The following ITGBL1 variants were observed in gnomAD, a reference collection of about 807,000 sequenced individuals.
The protein encoded by ITGBL1 is integrin subunit beta like 1, also known as integrin beta-like protein 1.
ITGBL1 carries 51 observed loss-of-function variants against 68.5 expected under a neutral mutation model. The observed-to-expected ratio is 0.74, with a 90% CI of 0.59 to 0.94. The LOEUF (loss-of-function observed/expected upper bound fraction) is 0.94. Ranked by LOEUF, ITGBL1 falls within the 40% of genes least tolerant of loss-of-function variation. The pLI is 0.00. For missense variants in ITGBL1, 649 were observed against 647.4 expected (o/e 1.00, Z -0.03); for synonymous variants, 209 against 227.3 (o/e 0.92, Z 0.72).
At chr13:101,702,532 C>T (rs370187118) in intron 8 of ITGBL1, among the ~76,000 whole-genome samples, 11 of 151,868 alleles carry the variant, frequency 7.2e-5, no homozygotes, top group East Asian at 1.9e-4. Flanking sequence ...GTATCCTACA[C>T]ATTTTCATAA....
At chr13:101,587,309 CCTGT>C (rs1264365783) in intron 6 of ITGBL1, among the ~76,000 whole-genome samples, 15 of 152,282 alleles carry the variant, frequency 9.9e-5, no homozygotes, top group African/African-American at 3.6e-4. Flanking sequence ...TTCTTTTAAT[CCTGT>C]CTGTTGTTCA....
At chr13:101,668,866 ACAC>A (rs1412124859) in intron 7 of ITGBL1, among the ~76,000 whole-genome samples, 1 of 152,250 alleles carries the variant, frequency 6.6e-6, no homozygotes, top group East Asian at 1.9e-4. Flanking sequence ...TTACAGGAAA[ACAC>A]AATATATTTG....
intron 10 of ITGBL1, chr13:101,714,807 C>G (rs1031345440): frequency 8.2e-6 from 4 of 488,172 alleles, no homozygotes; most frequent in African/African-American, 1.9e-5. Context: ...ACCTCCCCAC[C>G]CTCAAACTCA....
rs553592398 is a variant in ITGBL1 at position 101,617,022 on chromosome 13, G to A, written c.1015+18723G>A. Among the ~76,000 whole-genome samples the A allele has an allele frequency of 2.6e-5, 4 of 152,254 alleles. No homozygotes were observed. In the South Asian group the frequency reaches 8.3e-4, roughly 32 times the overall value. ...AAGGAGTCCATAGCTTCTTTGGCTA[G>A]ATTATAAAAGGGCTCCATAATATCA... On this transcript the variant is annotated intron_variant, in intron 7 of 10. Coordinates refer to ENST00000376180, the MANE Select transcript of ITGBL1 (RefSeq NM_004791.3).
intron 7 of ITGBL1, among the ~76,000 whole-genome samples, chr13:101,682,138 C>G (rs964321760): frequency 6.6e-6 from 1 of 152,124 alleles, no homozygotes; most frequent in Non-Finnish European, 1.5e-5. Context: ...TCCATTTCTT[C>G]TCTTACCCTC....
intron 2 of ITGBL1, among the ~76,000 whole-genome samples, chr13:101,459,942 T>C (rs1324333575): frequency 6.6e-6 from 1 of 152,136 alleles, no homozygotes; most frequent in African/African-American, 2.4e-5. Flanking sequence ...TTATATGTGG[T>C]TATTCATGAG....
chr13:101,598,062 T>G, intron 6 of ITGBL1, 91 bp from the exon 7 acceptor site: 1 of 1,198,096 alleles, frequency 8.3e-7, no homozygotes. Context: ...AGATCCTGAC[T>G]CATTTGTGAC....
Position 101,555,879 on chromosome 13 carries a change from G to A in ITGBL1, c.317-11820G>A, listed in dbSNP as rs916846295. Among the ~76,000 whole-genome samples the A allele has an allele frequency of 2.5e-4, 38 of 152,248 alleles. 1 individual carries two copies. The highest frequency in any genetic ancestry group is 3.8e-4 in the Non-Finnish European group (26 of 68,024). Reference sequence around the variant, plus strand: ...TTAGTATTTGATCAGGGATTTTTGTGTGCTATATGAGAGAAGGACTCAGAC... The same window carrying A: ...TTAGTATTTGATCAGGGATTTTTGTATGCTATATGAGAGAAGGACTCAGAC... On this transcript the variant is annotated intron_variant, in intron 2 of 10. Transcript: ENST00000376180.
chr13:101,489,835 A>G lies in ITGBL1; in HGVS notation c.316+35735A>G, dbSNP rs148610468. The G allele has an allele frequency of 2.2e-3, 1,384 of 617,866 alleles. 11 individuals are homozygous for G. The highest frequency in any genetic ancestry group is 0.014 in the Middle Eastern group (48 of 3,424). 38.3% of individuals were successfully genotyped at this position (617,866 alleles called of 1,614,324 possible). A position where few individuals can be genotyped will look rare whatever the true frequency, so the allele number is the denominator to read the frequency against. ...GCGATACTGATCAAACTGATAAAAT[A>G]GCATTCAGTTTGTCTGACTCATTGG... On this transcript the variant is annotated intron_variant, in intron 2 of 10. Transcript: ENST00000376180.
intron 7 of ITGBL1, among the ~76,000 whole-genome samples, chr13:101,662,680 T>C (rs2033117680): frequency 6.6e-6 from 1 of 152,062 alleles, no homozygotes; most frequent in South Asian, 2.1e-4. Context: ...TTTCCTCTTA[T>C]CTGGTAGAAT....
intron 7 of ITGBL1, among the ~76,000 whole-genome samples, chr13:101,647,659 C>G (rs1369177744): frequency 6.6e-6 from 1 of 152,024 alleles, no homozygotes; most frequent in Non-Finnish European, 1.5e-5. Context: ...CAGCAGATAA[C>G]TTGGATATAA....
chr13:101,601,822 C>T (rs974299297), intron 7 of ITGBL1, among the ~76,000 whole-genome samples: 2 of 152,058 alleles, frequency 1.3e-5, no homozygotes, highest in Non-Finnish European at 2.9e-5. Flanking sequence ...AATTTCTGTT[C>T]TTTTACATTT....
At chr13:101,583,160 C>G in intron 5 of ITGBL1, 56 bp from the exon 6 acceptor site, 2 of 1,528,744 alleles carry the variant, frequency 1.3e-6, no homozygotes, top group Non-Finnish European at 1.8e-6. Context: ...ATGTGAAATG[C>G]TTTCTTTCAT....
intron 2 of ITGBL1, among the ~76,000 whole-genome samples, chr13:101,519,324 C>T (rs894824532): frequency 3.3e-5 from 5 of 152,060 alleles, no homozygotes; most frequent in Non-Finnish European, 4.4e-5. Flanking sequence ...GTATGGTTGT[C>T]TATTGAGCAC....
At chr13:101,509,846 A>G (rs1047714008) in intron 2 of ITGBL1, among the ~76,000 whole-genome samples, 2 of 152,130 alleles carry the variant, frequency 1.3e-5, no homozygotes, top group Admixed American at 1.3e-4. Context: ...TATTAACTTC[A>G]TGTCAGAATT....
chr13:101,502,451 G>A (rs2048959011), intron 2 of ITGBL1, among the ~76,000 whole-genome samples: 1 of 152,086 alleles, frequency 6.6e-6, no homozygotes, highest in Non-Finnish European at 1.5e-5. Flanking sequence ...AAGCATTATG[G>A]TGTGCCTGGC....
At chr13:101,492,438 G>C (rs1178602506) in intron 2 of ITGBL1, among the ~76,000 whole-genome samples, 1 of 152,176 alleles carries the variant, frequency 6.6e-6, no homozygotes, top group Admixed American at 6.5e-5. Context: ...GCTCAATGGA[G>C]CTGACACAGT....
intron 2 of ITGBL1, among the ~76,000 whole-genome samples, chr13:101,484,373 A>T (rs1269743485): frequency 3.3e-5 from 5 of 152,154 alleles, no homozygotes; most frequent in Non-Finnish European, 7.4e-5. Flanking sequence ...GATTATGTAT[A>T]GCTTTTCTAC....
At chr13:101,491,333 C>T (rs1400810025) in intron 2 of ITGBL1, among the ~76,000 whole-genome samples, 1 of 152,152 alleles carries the variant, frequency 6.6e-6, no homozygotes, top group African/African-American at 2.4e-5. Flanking sequence ...CAAAACTTAC[C>T]CTATAAAGCA....
Sources: gnomAD v4.1 joint callset for allele counts (sites outside exome capture counted in the v4.1 genomes callset) on GRCh38, gnomAD v4.1.1 for gene constraint, MANE v1.5 for transcripts, NCBI Gene and HGNC (gene_info 2026-07-23, HGNC 2026-07-21) for gene names.